Variants in C8A observed in about 807,000 individuals in gnomAD.
The protein encoded by C8A is complement component C8 alpha chain.
C8A carries 67 observed loss-of-function variants against 65.3 expected under a neutral mutation model. The observed-to-expected ratio is 1.03, with a 90% CI of 0.84 to 1.26. The LOEUF (loss-of-function observed/expected upper bound fraction) is 1.26. Ranked by LOEUF, C8A falls within the 50% of genes most tolerant of loss-of-function variation. C8A has a pLI of 0.00. For missense variants in C8A, 781 were observed against 723.9 expected, an observed-to-expected ratio of 1.08 and a Z score of -0.90; for synonymous variants, 290 against 259.4, an observed-to-expected ratio of 1.12 and a Z score of -1.13.
Position 56,889,104 on chromosome 1 carries a change from G to A in C8A, c.1096+2937G>A, listed in dbSNP as rs185010731. Among the ~76,000 whole-genome samples the A allele has an allele frequency of 3.2e-4, 48 of 152,178 alleles. 2 individuals carry two copies. Among genetic ancestry groups the A allele is most frequent in the African/African-American group, 1.1e-3 (46 of 41,538 alleles). On this transcript the variant is annotated intron_variant, in intron 7 of 10. Coordinates refer to ENST00000361249, the MANE Select transcript of C8A (RefSeq NM_000562.3). The stretch of plus-strand genomic sequence containing the variant: ...GGTTAATATTCAAAAGGAGCCCACC[G>A]ACAAATTGTCCCAGGGATAATTACC...
At chr1:56,867,487 A>T (rs971540861) in intron 1 of C8A, 122 bp from the exon 2 acceptor site, 1 of 736,844 alleles carries the variant, frequency 1.4e-6, no homozygotes, top group East Asian at 2.7e-5. Flanking sequence ...GTAGGAGTAC[A>T]ATAAATGTTC....
At chr1:56,875,574 G>A (rs1412210700) in intron 3 of C8A, among the ~76,000 whole-genome samples, 2 of 152,140 alleles carry the variant, frequency 1.3e-5, no homozygotes, top group African/African-American at 2.4e-5. Flanking sequence ...CTTTGAAATG[G>A]TATTTGAGTA....
chr1:56,878,795 G>A (rs751398702), intron 4 of C8A, among the ~76,000 whole-genome samples: 4 of 152,084 alleles, frequency 2.6e-5, no homozygotes, highest in Admixed American at 6.5e-5. Flanking sequence ...ACAGTTTGGT[G>A]GAGATACTTC....
At chr1:56,909,173 G>A (rs1468571742) in intron 9 of C8A, among the ~76,000 whole-genome samples, 3 of 152,212 alleles carry the variant, frequency 2.0e-5, no homozygotes, top group Non-Finnish European at 4.4e-5. Flanking sequence ...TCTAGCAGTT[G>A]CCAAACTATT....
intron 1 of C8A, among the ~76,000 whole-genome samples, chr1:56,860,528 T>G (rs1644023679): frequency 6.6e-6 from 1 of 152,180 alleles, no homozygotes; most frequent in Admixed American, 6.5e-5. Context: ...TTGATTGCTG[T>G]GCAGAGAATG....
intron 7 of C8A, among the ~76,000 whole-genome samples, chr1:56,900,479 G>A (rs1360447422): frequency 6.6e-6 from 1 of 152,180 alleles, no homozygotes; most frequent in South Asian, 2.1e-4. Context: ...CACTACCAGA[G>A]AAGGTGAATG....
chr1:56,889,488 C>G (rs568774089), intron 7 of C8A, among the ~76,000 whole-genome samples: 1 of 152,128 alleles, frequency 6.6e-6, no homozygotes, highest in Non-Finnish European at 1.5e-5. Flanking sequence ...CTCTTCCCCT[C>G]GGTCTCATTC....
At chr1:56,905,514 C>T (rs1431825362) in intron 7 of C8A, among the ~76,000 whole-genome samples, 1 of 152,206 alleles carries the variant, frequency 6.6e-6, no homozygotes, top group African/African-American at 2.4e-5. Flanking sequence ...CACCACATTG[C>T]TACGCTAACA....
chr1:56,888,326 T>A (rs566155359), intron 7 of C8A, among the ~76,000 whole-genome samples: 1 of 152,258 alleles, frequency 6.6e-6, no homozygotes, highest in African/African-American at 2.4e-5. Flanking sequence ...AATTCATCCG[T>A]CTACATATTC....
chr1:56,906,496 T>G (rs1052424007), intron 7 of C8A, among the ~76,000 whole-genome samples, 171 bp from the exon 8 acceptor site: 1 of 152,202 alleles, frequency 6.6e-6, no homozygotes, highest in African/African-American at 2.4e-5. Flanking sequence ...ATTATTTTGG[T>G]TGGAACCATG....
intron 7 of C8A, among the ~76,000 whole-genome samples, chr1:56,900,499 T>G (rs1280255720): frequency 6.6e-6 from 1 of 152,208 alleles, no homozygotes; most frequent in African/African-American, 2.4e-5. Flanking sequence ...GGTAGGACTC[T>G]GACCCCAGAG....
chr1:56,885,420 A>ATATTTACATAACTATATATT, intron 6 of C8A, among the ~76,000 whole-genome samples: 1 of 85,932 alleles, frequency 1.2e-5, no homozygotes, highest in African/African-American at 4.4e-5. Context: ...ATTTAAATAT[A>ATATTTACATAACTATATATT]TATTTAAATA....
intron 7 of C8A, among the ~76,000 whole-genome samples, chr1:56,893,001 C>CA (rs1255989235): frequency 6.6e-6 from 1 of 152,086 alleles, no homozygotes; most frequent in African/African-American, 2.4e-5. Flanking sequence ...GATTTGCTCA[C>CA]AAAAACAGCC....
intron 6 of C8A, among the ~76,000 whole-genome samples, chr1:56,885,338 TTACA>T (rs1428685124): frequency 6.0e-5 from 8 of 132,588 alleles, no homozygotes; most frequent in East Asian, 2.2e-4. Flanking sequence ...AAATATATAT[TTACA>T]TAAATATATA....
intron 4 of C8A, among the ~76,000 whole-genome samples, chr1:56,881,215 T>C (rs1304248279): frequency 6.6e-6 from 1 of 152,228 alleles, no homozygotes; most frequent in Admixed American, 6.5e-5. Flanking sequence ...TTTCAGAAGA[T>C]GACATTATAT....
At chr1:56,880,079 G>A (rs1644235840) in intron 4 of C8A, among the ~76,000 whole-genome samples, 1 of 152,056 alleles carries the variant, frequency 6.6e-6, no homozygotes, top group Admixed American at 6.6e-5. Context: ...AGGAGTTTGA[G>A]AGACAAAAAA....
chr1:56,868,238 G>A (rs1644110383), intron 2 of C8A, among the ~76,000 whole-genome samples: 1 of 151,854 alleles, frequency 6.6e-6, no homozygotes, highest in African/African-American at 2.4e-5. Flanking sequence ...GAAGAGGGAT[G>A]TTGGGAGCCC....
At chr1:56,901,471 C>A (rs1169363046) in intron 7 of C8A, among the ~76,000 whole-genome samples, 1 of 152,034 alleles carries the variant, frequency 6.6e-6, no homozygotes, top group Non-Finnish European at 1.5e-5. Context: ...GCGCCACAAC[C>A]AAGACCATGT....
At chr1:56,877,188 A>G (rs1336996650) in intron 4 of C8A, among the ~76,000 whole-genome samples, 1 of 152,168 alleles carries the variant, frequency 6.6e-6, no homozygotes, top group Non-Finnish European at 1.5e-5. Flanking sequence ...TAACACCTTG[A>G]TCTTGGACTC....
Sources: allele counts gnomAD v4.1 joint callset (sites outside exome capture counted in the v4.1 genomes callset), GRCh38; gene constraint gnomAD v4.1.1; transcripts MANE v1.5; gene names NCBI Gene and HGNC (gene_info 2026-07-23, HGNC 2026-07-21).